VPS13B: variants seen among roughly 807,000 people sequenced by gnomAD.
VPS13B encodes the protein vacuolar protein sorting 13 homolog B.
Under a neutral mutation model 426.4 loss-of-function variants are expected in VPS13B, and 285 were observed. The observed-to-expected ratio is 0.67, with a 90% CI of 0.61 to 0.74. The LOEUF is 0.74. Ranked by LOEUF, VPS13B falls within the 30% of genes least tolerant of loss-of-function variation. The pLI, the probability that VPS13B is intolerant of heterozygous loss-of-function variation, is 0.00. For missense variants in VPS13B, 4,537 were observed against 4,782.6 expected, an observed-to-expected ratio of 0.95 and a Z score of 1.51; for synonymous variants, 1,676 against 1,676.4, an observed-to-expected ratio of 1.00 and a Z score of 0.01.
chr8:99,232,977 G>T, intron 17 of VPS13B: 2 of 714,852 alleles, frequency 2.8e-6, no homozygotes, highest in South Asian at 1.7e-5. Flanking sequence ...GGCTGGCTGT[G>T]TTTGGTCTCA....
intron 19 of VPS13B, among the ~76,000 whole-genome samples, chr8:99,303,582 T>C (rs1398439828): frequency 2.0e-5 from 3 of 151,030 alleles, no homozygotes; most frequent in Non-Finnish European, 4.4e-5. Context: ...GTAATGTGGC[T>C]TTAGAATATG....
chr8:99,225,450 G>A (rs1815966143), intron 17 of VPS13B, among the ~76,000 whole-genome samples: 1 of 152,034 alleles, frequency 6.6e-6, no homozygotes, highest in Non-Finnish European at 1.5e-5. Context: ...CTAATGTTTT[G>A]TACTTTTAGT....
intron 21 of VPS13B, among the ~76,000 whole-genome samples, chr8:99,430,261 G>C (rs1817017855): frequency 6.6e-6 from 1 of 152,090 alleles, no homozygotes; most frequent in Non-Finnish European, 1.5e-5. Context: ...TAGGGGGAGA[G>C]GGGAAGTATG....
At chr8:99,103,408 C>A (rs1846865901) in intron 5 of VPS13B, among the ~76,000 whole-genome samples, 2 of 151,584 alleles carry the variant, frequency 1.3e-5, no homozygotes, top group South Asian at 4.2e-4. Context: ...CAGCTCACTG[C>A]AACCTCTGCC....
At chr8:99,125,910 G>A (rs1283349147) in intron 8 of VPS13B, among the ~76,000 whole-genome samples, 4 of 152,118 alleles carry the variant, frequency 2.6e-5, no homozygotes, top group African/African-American at 7.2e-5. Context: ...TAGCTGGTTG[G>A]GGTTGTGGAG....
chr8:99,103,493 C>CT (rs71273162), intron 5 of VPS13B, among the ~76,000 whole-genome samples: 1,052 of 49,484 alleles, frequency 0.021, 29 homozygotes, highest in Non-Finnish European at 0.03. Context: ...CTATGCCCGG[C>CT]TTTTTTTTTT....
At chr8:99,732,119 A>C (rs1833630708) in intron 39 of VPS13B, among the ~76,000 whole-genome samples, 1 of 152,214 alleles carries the variant, frequency 6.6e-6, no homozygotes, top group Non-Finnish European at 1.5e-5. Flanking sequence ...GGGGCTTTTC[A>C]GCTCTATGTC....
At chr8:99,106,212 C>G (rs558951578) in intron 5 of VPS13B, among the ~76,000 whole-genome samples, 1 of 151,240 alleles carries the variant, frequency 6.6e-6, no homozygotes, top group South Asian at 2.1e-4. Context: ...CGGGCGGATC[C>G]CCTGAGGTCA....
At position 99,173,766 on chromosome 8, in the gene VPS13B, T is replaced by C. The variant is rs1444275443; in HGVS notation, c.2333+3603T>C. On this transcript the variant is annotated intron_variant, in intron 16 of 61. Coordinates refer to ENST00000357162, the MANE Select transcript of VPS13B (RefSeq NM_152564.5). ...AAAGAAACATTAACATCTGTTACAA[T>C]CTTCTCATTTCAAAGATGGGAAAAC... Among the ~76,000 whole-genome samples, 3 of 152,290 alleles carry C rather than the reference T, an allele frequency of 2.0e-5. No individual in the cohort carries two copies. In the South Asian group the frequency reaches 6.2e-4, roughly 32 times the overall value.
chr8:99,017,039 T>C (rs1478357896), intron 2 of VPS13B, among the ~76,000 whole-genome samples: 2 of 152,234 alleles, frequency 1.3e-5, no homozygotes, highest in Admixed American at 1.3e-4. Context: ...TATCAATCTT[T>C]TCCCTTGTGG....
intron 33 of VPS13B, among the ~76,000 whole-genome samples, chr8:99,600,776 A>G (rs769861938): frequency 6.6e-6 from 1 of 152,142 alleles, no homozygotes; most frequent in African/African-American, 2.4e-5. Context: ...TCCAAATTGG[A>G]TAACAAAAGG....
At chr8:99,759,502 T>G (rs976464376) in intron 39 of VPS13B, among the ~76,000 whole-genome samples, 4 of 152,202 alleles carry the variant, frequency 2.6e-5, no homozygotes, top group African/African-American at 9.6e-5. Context: ...TGCCCTCTGT[T>G]TTTCCACTAT....
intron 17 of VPS13B, among the ~76,000 whole-genome samples, chr8:99,259,198 T>C (rs562984849): frequency 6.6e-6 from 1 of 152,194 alleles, no homozygotes; most frequent in Middle Eastern, 3.4e-3. Flanking sequence ...TCATGATGTG[T>C]TTAATTTCTT....
chr8:99,407,674 AT>A (rs1385240284), intron 21 of VPS13B, among the ~76,000 whole-genome samples: 1 of 146,572 alleles, frequency 6.8e-6, no homozygotes, highest in African/African-American at 2.5e-5. Flanking sequence ...TTATTTTTTT[AT>A]TTTTTTATTA....
At chr8:99,404,037 G>T (rs1247064978) in intron 21 of VPS13B, among the ~76,000 whole-genome samples, 1 of 152,106 alleles carries the variant, frequency 6.6e-6, no homozygotes, top group South Asian at 2.1e-4. Context: ...TTTTTGTTGT[G>T]TGCAGTTTTG....
chr8:99,870,868 A>G lies in VPS13B; in HGVS notation c.11476A>G (p.Ser3826Gly), dbSNP rs980884245. ...SDLHADQAPN[S>G]HVKYVWKMLQ... is the part of the protein sequence containing the mutation. ...TCTACATGCTGACCAGGCTCCAAAC[A>G]GCCATGTCAAATATGTCTGGTAAAA... Residue 3826 changes from serine (S) to glycine (G), a missense_variant, in exon 60 of 62, where the codon AGC (serine) becomes GGC (glycine). Around this residue, in one of 2 missense-constraint regions of VPS13B, gnomAD observed 4,311 missense variants for 4,474.3 expected, o/e 0.96. Coordinates refer to ENST00000357162, the MANE Select transcript of VPS13B (RefSeq NM_152564.5). 1.2e-6 allele frequency: 2 copies of G among 1,614,082 alleles called. No homozygotes were observed. The highest frequency in any genetic ancestry group is 1.3e-5 in the African/African-American group (1 of 74,948).
chr8:99,145,023 A>G (rs1278408895), intron 13 of VPS13B, among the ~76,000 whole-genome samples: 4 of 152,186 alleles, frequency 2.6e-5, no homozygotes, highest in Non-Finnish European at 5.9e-5. Context: ...GGTTTTATGT[A>G]GACAAGTGCA....
intron 20 of VPS13B, among the ~76,000 whole-genome samples, chr8:99,388,232 TATC>T (rs779839603): frequency 1.2e-4 from 19 of 152,298 alleles, no homozygotes; most frequent in Non-Finnish European, 2.6e-4. Context: ...TTTGTACTAA[TATC>T]ATAATAATGG....
At chr8:99,571,616 A>G (rs1362898678) in intron 31 of VPS13B, among the ~76,000 whole-genome samples, 1 of 151,934 alleles carries the variant, frequency 6.6e-6, no homozygotes, top group Non-Finnish European at 1.5e-5. Context: ...GTTTGCTCTT[A>G]TTTGGTTCCC....
Sources: allele counts gnomAD v4.1 joint callset (sites outside exome capture counted in the v4.1 genomes callset), GRCh38; gene constraint gnomAD v4.1.1; regional missense constraint gnomAD v4.1.1; transcripts MANE v1.5; gene names NCBI Gene and HGNC (gene_info 2026-07-23, HGNC 2026-07-21).